The following KIF3C variants were observed in gnomAD, a reference collection of about 807,000 sequenced individuals.
The protein encoded by KIF3C is kinesin family member 3C, also known as kinesin-like protein KIF3C.
In KIF3C, 12 loss-of-function variants were observed where a neutral mutation model predicts 67.7. That is an observed-to-expected ratio of 0.18 (90% CI 0.11 to 0.29). KIF3C has a LOEUF of 0.29. Among genes scored for constraint, KIF3C ranks in the 10% least tolerant of loss-of-function variants. The probability of loss-of-function intolerance (pLI) is 1.00; values close to 1 mark genes in which losing one functional copy is unlikely to be tolerated. For missense variants in KIF3C, 789 were observed against 1,059.6 expected (o/e 0.74, Z 3.55); for synonymous variants, 393 against 426.2 (o/e 0.92, Z 0.96).
chr2:25,929,192 C>A, intron 7 of KIF3C, 113 bp downstream of exon 7: 1 of 1,405,636 alleles, frequency 7.1e-7, no homozygotes, highest in East Asian at 2.3e-5. Flanking sequence ...CCCAGTCACC[C>A]CTTGCCCTTC....
chr2:25,953,962 CG>C (rs1254941928), intron 4 of KIF3C, among the ~76,000 whole-genome samples: 1 of 152,168 alleles, frequency 6.6e-6, no homozygotes, highest in Non-Finnish European at 1.5e-5. Context: ...CCACTGCGCC[CG>C]GCCCTAAAAA....
intron 5 of KIF3C, among the ~76,000 whole-genome samples, chr2:25,950,453 C>T (rs1663578493): frequency 6.8e-6 from 1 of 146,530 alleles, no homozygotes; most frequent in Admixed American, 6.7e-5. Flanking sequence ...AATTCCTGAC[C>T]TCAGGCCATC....
chr2:25,940,152 C>A (rs1019607794), intron 5 of KIF3C, among the ~76,000 whole-genome samples: 3 of 152,150 alleles, frequency 2.0e-5, no homozygotes, highest in African/African-American at 7.2e-5. Flanking sequence ...TTGATCATCT[C>A]CTCCGCACCA....
rs6728684 is a variant in KIF3C at position 25,927,904 on chromosome 2, T to G, written c.*1074A>C. On this transcript the variant is annotated 3_prime_UTR_variant, in exon 8 of 8. Coordinates refer to ENST00000264712, the MANE Select transcript of KIF3C (RefSeq NM_002254.8). ...GTAACTAGTGAATAAAGGATCTATT[T>G]TCAACAAAATAATACCTTAAAGATG... 0.71 allele frequency: 107,768 copies of G among 152,496 alleles called. 39,541 individuals carry two copies. Among genetic ancestry groups the G allele is most frequent in the Non-Finnish European group, 0.8 (54,074 of 67,992 alleles). 9.4% of individuals were successfully genotyped at this position (152,496 alleles called of 1,614,324 possible).
At chr2:25,956,120 G>A (rs147972893) in intron 2 of KIF3C, among the ~76,000 whole-genome samples, 2 of 152,328 alleles carry the variant, frequency 1.3e-5, no homozygotes, top group African/African-American at 4.8e-5. Flanking sequence ...GGAGGCTGAT[G>A]TTATGGAGAG....
Position 25,928,593 on chromosome 2 carries a change from G to A in KIF3C, c.*385C>T, listed in dbSNP as rs2090430531. 1 of 172,834 alleles carries A rather than the reference G, an allele frequency of 5.8e-6. No homozygotes were observed. Among genetic ancestry groups the A allele is most frequent in the African/African-American group, 2.4e-5 (1 of 41,892 alleles). 10.7% of individuals were successfully genotyped at this position (172,834 alleles called of 1,614,324 possible). A position where few individuals can be genotyped will look rare whatever the true frequency, so the allele number is the denominator to read the frequency against. ...TGGGAGAAGATGGAGGTTATGGAGTGCGGTGGGTAGAAAAGGGACTGTCTT... is the reference window on the plus strand; with the variant it reads ...TGGGAGAAGATGGAGGTTATGGAGTACGGTGGGTAGAAAAGGGACTGTCTT... On this transcript the variant is annotated 3_prime_UTR_variant, in exon 8 of 8. Transcript: ENST00000264712.
chr2:25,965,393 A>AT (rs1261971581), intron 1 of KIF3C, among the ~76,000 whole-genome samples: 5 of 151,936 alleles, frequency 3.3e-5, no homozygotes, highest in Admixed American at 6.6e-5. Flanking sequence ...TTAGAAATAG[A>AT]TTTTTTTCCT....
chr2:25,963,665 GTATTATTATTATTATTAT>G (rs72088886), intron 1 of KIF3C, among the ~76,000 whole-genome samples: 6 of 125,870 alleles, frequency 4.8e-5, no homozygotes, highest in East Asian at 2.1e-4. Context: ...TAGGCATGAA[GTATTATTATTATTATTAT>G]TATTATTATT....
rs1664551091 is a variant in KIF3C, at chr2:25,980,763, C to T, written c.1155G>A (p.Glu385=). The T allele has an allele frequency of 6.2e-7, 1 of 1,614,078 alleles. No homozygotes were observed. The highest frequency in any genetic ancestry group is 1.7e-5 in the Admixed American group (1 of 60,008). ...PKDTLLREFQ[E]EIARLKAQLE... ...GCTGGGCCTTCAGGCGGGCAATCTC[C>T]TCTTGGAATTCCCGCAGCAGTGTGT... Residue 385 remains glutamate, a synonymous_variant, in exon 1 of 8, where the codon GAG becomes GAA. Transcript: ENST00000264712. This position sits in a 1 kb window ranked among gnomAD's most constrained non-coding sequence, Gnocchi z 7.6.
intron 1 of KIF3C, among the ~76,000 whole-genome samples, chr2:25,977,701 C>A (rs1223694845): frequency 6.6e-6 from 1 of 152,174 alleles, no homozygotes; most frequent in Non-Finnish European, 1.5e-5. Context: ...CTCATTTAAT[C>A]CTCAACCCTG....
intron 1 of KIF3C, among the ~76,000 whole-genome samples, chr2:25,962,305 G>A (rs1663965667): frequency 6.6e-6 from 1 of 152,008 alleles, no homozygotes; most frequent in South Asian, 2.1e-4. Context: ...AATCACCAAA[G>A]AAATAAAATG....
Position 25,964,165 on chromosome 2 carries a change from G to A in KIF3C, c.1546-7721C>T, listed in dbSNP as rs529950059. On this transcript the variant is annotated intron_variant, in intron 1 of 7. Transcript: ENST00000264712. The stretch of plus-strand genomic sequence containing the variant: ...TCTACTAAAAAGACAGAAATTAGCT[G>A]GGCATGGTGGCGTGCACCTGGAATC... 5.3e-5 allele frequency among the ~76,000 whole-genome samples: 8 copies of A among 152,166 alleles called. No homozygotes were observed. In the South Asian group the frequency reaches 1.7e-3, roughly 32 times the overall value.
Position 25,981,961 on chromosome 2 carries a change from G to A in KIF3C, c.-44C>T. ...CTGCCCCCGAGCCCCTCCGCAGCCT[G>A]GGCGGTCCTGCTATCCTGCTCGCTA... On this transcript the variant is annotated 5_prime_UTR_variant, in exon 1 of 8. Transcript: ENST00000264712. The surrounding 1 kb of genome is among the most constrained non-coding windows in gnomAD (Gnocchi z 8.2). 1 of 1,472,550 alleles carries A rather than the reference G, an allele frequency of 6.8e-7. No homozygotes were observed. 91.2% of individuals were successfully genotyped at this position (1,472,550 alleles called of 1,614,324 possible).
At chr2:25,946,358 C>T (rs1663432592) in intron 5 of KIF3C, among the ~76,000 whole-genome samples, 1 of 151,848 alleles carries the variant, frequency 6.6e-6, no homozygotes, top group African/African-American at 2.4e-5. Flanking sequence ...AGTTCGAGAC[C>T]AGCCTGGCCA....
chr2:25,936,636 T>C (rs1574479007), intron 5 of KIF3C, among the ~76,000 whole-genome samples: 1 of 152,212 alleles, frequency 6.6e-6, no homozygotes, highest in South Asian at 2.1e-4. Context: ...ACATTTTCCC[T>C]GGGGTATGGA....
intron 1 of KIF3C, among the ~76,000 whole-genome samples, chr2:25,967,328 C>A (rs1180948146): frequency 6.6e-6 from 1 of 152,038 alleles, no homozygotes; most frequent in Non-Finnish European, 1.5e-5. Flanking sequence ...TGGGAAGGGC[C>A]CCTGCACAAG....
chr2:25,960,309 C>T (rs1037841043), intron 1 of KIF3C, among the ~76,000 whole-genome samples: 4 of 152,078 alleles, frequency 2.6e-5, no homozygotes, highest in African/African-American at 4.8e-5. Flanking sequence ...CTGAGATTCC[C>T]AGGTAATTTG....
rs1207185136 is a variant in KIF3C at position 25,958,575 on chromosome 2, C to T, written c.1546-2131G>A. ...CAGCCTGGGTGCCAGAGTGAGACTT[C>T]ATCACAAAAAACAAAAAACAAAAAA... is the stretch of plus-strand genomic sequence containing the variant. On this transcript the variant is annotated intron_variant, in intron 1 of 7. Transcript: ENST00000264712. This position sits in a 1 kb window ranked among gnomAD's most constrained non-coding sequence, Gnocchi z 4.5. 6.6e-6 allele frequency among the ~76,000 whole-genome samples: 1 copy of T among 151,786 alleles called. No homozygotes were observed. The highest frequency in any genetic ancestry group is 1.5e-5 in the Non-Finnish European group (1 of 67,942).
intron 1 of KIF3C, among the ~76,000 whole-genome samples, chr2:25,967,424 A>G (rs950978396): frequency 2.0e-5 from 3 of 152,208 alleles, no homozygotes; most frequent in African/African-American, 7.2e-5. Flanking sequence ...TCTCTTTGCT[A>G]CAAAACCTAG....
Sources: gnomAD v4.1 joint callset for allele counts (sites outside exome capture counted in the v4.1 genomes callset) on GRCh38, gnomAD v4.1.1 for gene constraint, Gnocchi (gnomAD v3.1) non-coding constraint, MANE v1.5 for transcripts, NCBI Gene and HGNC (gene_info 2026-07-23, HGNC 2026-07-21) for gene names.